TAFA1: variants seen among roughly 807,000 people sequenced by gnomAD.
TAFA1 encodes chemokine-like protein TAFA-1.
TAFA1 carries 4 observed loss-of-function variants against 18.5 expected under a neutral mutation model. That is an observed-to-expected ratio of 0.22 (90% CI 0.11 to 0.49). The LOEUF (loss-of-function observed/expected upper bound fraction) is 0.49. Ranked by LOEUF, TAFA1 falls within the 20% of genes least tolerant of loss-of-function variation. The probability of loss-of-function intolerance (pLI) is 0.98; values close to 1 mark genes in which losing one functional copy is unlikely to be tolerated. For missense variants in TAFA1, 147 were observed against 169.0 expected (o/e 0.87, Z 0.72); for synonymous variants, 56 against 55.2 (o/e 1.01, Z -0.06).
intron 3 of TAFA1, among the ~76,000 whole-genome samples, chr3:68,430,406 C>G (rs963236638): frequency 4.0e-5 from 6 of 151,892 alleles, no homozygotes; most frequent in Non-Finnish European, 8.8e-5. Flanking sequence ...TAGATACGGC[C>G]AAACAAGAAG....
chr3:68,319,961 G>T (rs1491757), intron 2 of TAFA1, among the ~76,000 whole-genome samples: 123,539 of 152,086 alleles, frequency 0.81, 50,536 homozygotes, highest in East Asian at 0.92. Context: ...ATGAGAATAC[G>T]ACTAAAACAG....
chr3:68,338,680 G>A (rs1491747), intron 2 of TAFA1, among the ~76,000 whole-genome samples: 72,351 of 151,964 alleles, frequency 0.48, 18,124 homozygotes, highest in East Asian at 0.89. Flanking sequence ...TTCCAAACCT[G>A]TATACAAGGT....
At chr3:68,199,987 T>C (rs2066453242) in intron 2 of TAFA1, among the ~76,000 whole-genome samples, 1 of 151,590 alleles carries the variant, frequency 6.6e-6, no homozygotes, top group Non-Finnish European at 1.5e-5. Flanking sequence ...GTTTTGTACA[T>C]TTTAAAATCA....
rs190567183 is a variant in TAFA1 at position 68,253,222 on chromosome 3, C to T, written c.119-164058C>T. Among the ~76,000 whole-genome samples, 13 of 152,272 alleles carry T rather than the reference C, an allele frequency of 8.5e-5. No homozygotes were observed. The South Asian group carries it at 1.2e-3, about 15-fold the overall frequency. ...AGAAAAAATAGCTGGACATAGCACT[C>T]GATAAAGGTTACCTTTTGAGGTTGC... On this transcript the variant is annotated intron_variant, in intron 2 of 4. Transcript: ENST00000478136.
intron 2 of TAFA1, among the ~76,000 whole-genome samples, chr3:68,323,578 G>C (rs2068726487): frequency 6.6e-6 from 1 of 152,144 alleles, no homozygotes; most frequent in South Asian, 2.1e-4. Flanking sequence ...TCAAAATTAT[G>C]ATTTTTCAAG....
intron 2 of TAFA1, among the ~76,000 whole-genome samples, chr3:68,010,049 A>G (rs1157061697): frequency 6.6e-6 from 1 of 152,224 alleles, no homozygotes; most frequent in Non-Finnish European, 1.5e-5. Flanking sequence ...ACATTTGCCT[A>G]AGCTTGAAAA....
chr3:68,109,945 G>C (rs559874203), intron 2 of TAFA1, among the ~76,000 whole-genome samples: 5 of 152,182 alleles, frequency 3.3e-5, no homozygotes, highest in Non-Finnish European at 5.9e-5. Context: ...TGATTATGTG[G>C]CCAATTTTAG....
At chr3:68,342,088 C>A (rs904099515) in intron 2 of TAFA1, among the ~76,000 whole-genome samples, 8 of 152,144 alleles carry the variant, frequency 5.3e-5, no homozygotes, top group African/African-American at 1.9e-4. Flanking sequence ...GGCTTCCACC[C>A]TTTTGACCAA....
rs150587717 is a variant in TAFA1 at position 68,444,469 on chromosome 3, T to A, written c.259+27049T>A. Among the ~76,000 whole-genome samples the A allele has an allele frequency of 2.6e-3, 403 of 152,286 alleles. 7 individuals carry two copies. The highest frequency in any genetic ancestry group is 8.7e-3 in the African/African-American group (363 of 41,568). Reference sequence around the variant, plus strand: ...CTAACTGAAGGGACCCTGGGAATTGTAGCTCTTGGCTGAGCTTTCCAGTAA... The same window carrying A: ...CTAACTGAAGGGACCCTGGGAATTGAAGCTCTTGGCTGAGCTTTCCAGTAA... On this transcript the variant is annotated intron_variant, in intron 3 of 4. Transcript: ENST00000478136.
intron 2 of TAFA1, among the ~76,000 whole-genome samples, chr3:68,331,728 G>C (rs1355911614): frequency 6.6e-6 from 1 of 151,964 alleles, no homozygotes; most frequent in South Asian, 2.1e-4. Flanking sequence ...AGCTACAGGT[G>C]TAAAACAGAT....
At chr3:68,031,146 AAAC>A (rs1704926754) in intron 2 of TAFA1, among the ~76,000 whole-genome samples, 1 of 152,218 alleles carries the variant, frequency 6.6e-6, no homozygotes. Flanking sequence ...AATTTTTAGA[AAAC>A]AAAAATCCTT....
At chr3:68,053,734 C>T (rs1222274925) in intron 2 of TAFA1, among the ~76,000 whole-genome samples, 4 of 152,098 alleles carry the variant, frequency 2.6e-5, no homozygotes, top group Admixed American at 6.6e-5. Flanking sequence ...GATAGGGTCT[C>T]GCTCTGTCAC....
chr3:68,284,988 T>C (rs1302140159), intron 2 of TAFA1, among the ~76,000 whole-genome samples: 1 of 152,050 alleles, frequency 6.6e-6, no homozygotes, highest in Non-Finnish European at 1.5e-5. Context: ...CTAGGGAGGC[T>C]GAGGTGGGAG....
intron 2 of TAFA1, among the ~76,000 whole-genome samples, chr3:68,323,238 T>A (rs975381303): frequency 1.3e-5 from 2 of 152,196 alleles, no homozygotes; most frequent in African/African-American, 4.8e-5. Context: ...CTCCTCCAGC[T>A]GAAATGAATC....
chr3:68,524,641 A>G (rs369339443), intron 3 of TAFA1, among the ~76,000 whole-genome samples: 6 of 151,750 alleles, frequency 4.0e-5, no homozygotes, highest in African/African-American at 1.2e-4. Flanking sequence ...GTACTTTTCT[A>G]TGTTTCTAGG....
chr3:68,258,367 T>G (rs531994606), intron 2 of TAFA1, among the ~76,000 whole-genome samples: 33 of 152,326 alleles, frequency 2.2e-4, no homozygotes, highest in Admixed American at 1.4e-3. Flanking sequence ...TTCAAGTTGA[T>G]GTAATATATT....
At chr3:68,006,580 G>A in intron 1 of TAFA1, 44 bp from the exon 2 acceptor site, 1 of 1,336,928 alleles carries the variant, frequency 7.5e-7, no homozygotes, top group Non-Finnish European at 1.1e-6. Context: ...TGAGCTGGGG[G>A]CTTGAAGCCG....
intron 2 of TAFA1, among the ~76,000 whole-genome samples, chr3:68,397,704 G>T (rs984718799): frequency 1.3e-5 from 2 of 152,122 alleles, no homozygotes; most frequent in Non-Finnish European, 2.9e-5. Context: ...GGGTGAAATG[G>T]TATTTCTTGT....
chr3:68,125,974 T>C (rs1046467789), intron 2 of TAFA1, among the ~76,000 whole-genome samples: 1 of 152,202 alleles, frequency 6.6e-6, no homozygotes, highest in Non-Finnish European at 1.5e-5. Context: ...AGTGGCTCTG[T>C]GGATTCTCAG....
Sources: gnomAD v4.1 joint callset for allele counts (sites outside exome capture counted in the v4.1 genomes callset) on GRCh38, gnomAD v4.1.1 for gene constraint, MANE v1.5 for transcripts, NCBI Gene and HGNC (gene_info 2026-07-23, HGNC 2026-07-21) for gene names.